MEST: variants seen among roughly 807,000 people sequenced by gnomAD.
MEST encodes the protein mesoderm-specific transcript homolog protein.
A neutral mutation model predicts 50.9 loss-of-function variants in MEST; 18 were observed. That is an observed-to-expected ratio of 0.35 (90% CI 0.24 to 0.52). MEST has a LOEUF of 0.52. Ranked by LOEUF, MEST falls within the 20% of genes least tolerant of loss-of-function variation. The pLI, the probability that MEST is intolerant of heterozygous loss-of-function variation, is 0.94. For synonymous variants in MEST, 130 were observed against 154.1 expected (o/e 0.84, Z 1.16); for missense variants, 282 against 425.3 (o/e 0.66, Z 2.96).
upstream of MEST, chr7:130,487,812 A>T (rs11979769): frequency 0.16 from 24,080 of 151,990 alleles, 2,028 homozygotes; most frequent in African/African-American, 0.19. Context: ...ACACATGGCT[A>T]ATTTTTGTAT....
chr7:130,495,008 GAA>G (rs768426651), intron 1 of MEST, among the ~76,000 whole-genome samples: 1 of 152,114 alleles, frequency 6.6e-6, no homozygotes, highest in African/African-American at 2.4e-5. Context: ...AAAAGTCAAC[GAA>G]AGAGTGTCCA....
upstream of MEST, chr7:130,488,654 G>A (rs1326233628): frequency 6.6e-6 from 1 of 152,234 alleles, no homozygotes; most frequent in Non-Finnish European, 1.5e-5. Context: ...GTGAGGATCA[G>A]GGATATGTTG....
chr7:130,495,440 C>T lies in MEST; in HGVS notation c.99C>T (p.Pro33=), dbSNP rs1554436554. Residue 33 remains proline, a synonymous_variant, in exon 2 of 12, where the codon CCC becomes CCT. Coordinates refer to ENST00000223215, the MANE Select transcript of MEST (RefSeq NM_002402.4). Reference sequence around the variant, plus strand: ...TTGCTGCGTACCTGCACATCCCACCCCCTCAGCTCTCCCCTGCCCTTCACT... The same window carrying T: ...TTGCTGCGTACCTGCACATCCCACCTCCTCAGCTCTCCCCTGCCCTTCACT... ...PLLAAYLHIP[P]PQLSPALHSW... is the part of the protein sequence containing the mutation. 6.2e-7 allele frequency: 1 copy of T among 1,613,946 alleles called. No individual in the cohort carries two copies. Among genetic ancestry groups the T allele is most frequent in the African/African-American group, 1.3e-5 (1 of 74,906 alleles).
At chr7:130,495,965 CACT>C (rs1554436844) in intron 2 of MEST, 2 of 371,190 alleles carry the variant, frequency 5.4e-6, no homozygotes, top group African/African-American at 4.4e-5. Flanking sequence ...TTATTATGAC[CACT>C]ACTTATCAAG....
In MEST at chr7:130,500,156, C is replaced by A; in HGVS notation, c.576+241C>A. On this transcript the variant is annotated intron_variant, in intron 7 of 11. Coordinates refer to ENST00000223215, the MANE Select transcript of MEST (RefSeq NM_002402.4). This position sits in a 1 kb window ranked among gnomAD's most constrained non-coding sequence, Gnocchi z 5.0. The stretch of plus-strand genomic sequence containing the variant: ...CAACAAATATTTGGAGAAATTACAG[C>A]TATGGAAAGATCTGTGTCACAAGCT... 1 of 553,368 alleles carries A rather than the reference C, an allele frequency of 1.8e-6. No individual in the cohort carries two copies. The highest frequency in any genetic ancestry group is 3.2e-6 in the Non-Finnish European group (1 of 317,164). The allele number at this position is 553,368 out of a possible 1,614,324, so 34.3% of individuals were successfully genotyped here.
At position 130,492,111 on chromosome 7, in the gene MEST, ACCT is replaced by A; in HGVS notation, c.-198_-196del. 1 of 288,240 alleles carries A rather than the reference ACCT, an allele frequency of 3.5e-6. No individual in the cohort carries two copies. The highest frequency in any genetic ancestry group is 6.3e-6 in the Non-Finnish European group (1 of 159,566). The allele number at this position is 288,240 out of a possible 1,614,324, so 17.9% of individuals were successfully genotyped here. On this transcript the variant is annotated 5_prime_UTR_variant, in exon 1 of 12. Coordinates refer to ENST00000223215, the MANE Select transcript of MEST (RefSeq NM_002402.4). This position sits in a 1 kb window ranked among gnomAD's most constrained non-coding sequence, Gnocchi z 7.6. ...GCCGCGGCAACCAGCACACCCCGGC[ACCT>A]CCTCTGCGGCAGCTGCGCCTCGCAA...
intron 11 of MEST, 61 bp downstream of exon 11, chr7:130,504,057 G>T: frequency 7.2e-7 from 1 of 1,396,154 alleles, no homozygotes; most frequent in South Asian, 1.2e-5. Flanking sequence ...GTGGTAAACA[G>T]AATTGCCTGT....
At chr7:130,486,805 A>T (rs1452091944) in intron 1 of MEST, 2 of 152,242 alleles carry the variant, frequency 1.3e-5, no homozygotes, top group African/African-American at 2.4e-5. Context: ...GCGCCTTCCT[A>T]CTTGTGGGAC....
At chr7:130,502,443 A>G (rs1426593347) in intron 9 of MEST, among the ~76,000 whole-genome samples, 2 of 152,210 alleles carry the variant, frequency 1.3e-5, no homozygotes, top group East Asian at 3.8e-4. Flanking sequence ...GATAGTAGGC[A>G]TAATCACTAC....
At position 130,492,288 on chromosome 7, in the gene MEST, G is replaced by T; in HGVS notation, c.-26G>T. The T allele has an allele frequency of 7.4e-7, 1 of 1,347,918 alleles. No individual in the cohort carries two copies. The highest frequency in any genetic ancestry group is 9.5e-7 in the Non-Finnish European group (1 of 1,050,750). The allele number at this position is 1,347,918 out of a possible 1,614,324, so 83.5% of individuals were successfully genotyped here. A position where few individuals can be genotyped will look rare whatever the true frequency, so the allele number is the denominator to read the frequency against. On this transcript the variant is annotated 5_prime_UTR_variant, in exon 1 of 12. Coordinates refer to ENST00000223215, the MANE Select transcript of MEST (RefSeq NM_002402.4). This position sits in a 1 kb window ranked among gnomAD's most constrained non-coding sequence, Gnocchi z 7.6. The stretch of plus-strand genomic sequence containing the variant: ...GGCGCCCGGTGCTCTGCAACGCTGC[G>T]GCGGGCGGCATGGGATAACGCGGCC...
At chr7:130,495,009 A>G (rs145938336) in intron 1 of MEST, among the ~76,000 whole-genome samples, 270 of 152,324 alleles carry the variant, frequency 1.8e-3, no homozygotes, top group Non-Finnish European at 3.2e-3. Context: ...AAAGTCAACG[A>G]AAGAGTGTCC....
At chr7:130,504,895 C>T (rs782373266) in intron 11 of MEST, 44 bp from the exon 12 acceptor site, 34 of 1,501,076 alleles carry the variant, frequency 2.3e-5, no homozygotes, top group Middle Eastern at 1.7e-4. Context: ...ACATCCCTCC[C>T]GCTCCAGCCT....
chr7:130,495,580 G>GT, intron 2 of MEST, 58 bp downstream of exon 2: 3 of 1,556,566 alleles, frequency 1.9e-6, no homozygotes, highest in Non-Finnish European at 2.6e-6. Flanking sequence ...CCCAGCTGAG[G>GT]TATTTATTTT....
chr7:130,494,304 A>G (rs542373436), intron 1 of MEST, among the ~76,000 whole-genome samples: 2 of 152,284 alleles, frequency 1.3e-5, no homozygotes, highest in African/African-American at 2.4e-5. Flanking sequence ...TGACAACTCT[A>G]ATTTTAGTTT....
chr7:130,495,506 G>A lies in MEST; in HGVS notation c.165G>A (p.Leu55=), dbSNP rs781902975. The change falls in exon 2 of 12, where the codon CTG becomes CTA. Residue 55 remains leucine, a synonymous_variant. Coordinates refer to ENST00000223215, the MANE Select transcript of MEST (RefSeq NM_002402.4). The part of the protein sequence containing the change: ...SSGKFFTYKG[L]RIFYQDSVGV... ...GCAAGTTTTTCACTTACAAGGGACT[G>A]CGTATCTTCTACCAAGGTAAGAAGT... is the stretch of plus-strand genomic sequence containing the variant. 61 of 1,613,922 alleles carry A rather than the reference G, an allele frequency of 3.8e-5. No homozygotes were observed. The Middle Eastern group carries it at 1.3e-3, about 35-fold the overall frequency.
chr7:130,499,843 AG>A, intron 6 of MEST, 31 bp from the exon 7 acceptor site: 2 of 1,566,150 alleles, frequency 1.3e-6, no homozygotes, highest in South Asian at 2.4e-5. Flanking sequence ...TTAAAGCTGT[AG>A]GTAAATGACT....
chr7:130,488,005 A>G (rs1554434215), upstream of MEST: 1 of 152,194 alleles, frequency 6.6e-6, no homozygotes, highest in African/African-American at 2.4e-5. Flanking sequence ...AATGTCTTCA[A>G]TTTGCCTTGC....
Position 130,499,882 on chromosome 7 carries a change from TC to T in MEST, c.545del (p.Pro182LeufsTer26). Reference protein sequence around the residue: ...SLCLSNGGIFPETHRPLLLQK... With the variant: ...SLCLSNGGIFXETHRPLLLQK... ...GATAAGTCTCTTCTACAGGTATCTTTCCTGAGACTCACCGTCCACTCCTTCT... is the reference window on the plus strand; with the variant it reads ...GATAAGTCTCTTCTACAGGTATCTTTCTGAGACTCACCGTCCACTCCTTCT... On this transcript the variant is annotated frameshift_variant, in exon 7 of 12. Coordinates refer to ENST00000223215, the MANE Select transcript of MEST (RefSeq NM_002402.4). LOFTEE classifies it high-confidence loss of function. 1.2e-6 allele frequency: 2 copies of T among 1,611,644 alleles called. No homozygotes were observed. The highest frequency in any genetic ancestry group is 1.7e-6 in the Non-Finnish European group (2 of 1,179,068).
In MEST at chr7:130,492,327, A is replaced by C; in HGVS notation, c.14A>C (p.Asp5Ala). 2 of 1,341,000 alleles carry C rather than the reference A, an allele frequency of 1.5e-6. No individual in the cohort carries two copies. Among genetic ancestry groups the C allele is most frequent in the Non-Finnish European group, 1.9e-6 (2 of 1,045,278 alleles). The allele number at this position is 1,341,000 out of a possible 1,614,324, so 83.1% of individuals were successfully genotyped here. A position where few individuals can be genotyped will look rare whatever the true frequency, so the allele number is the denominator to read the frequency against. Residue 5 changes from aspartate to alanine, a missense_variant, in exon 1 of 12, where the codon GAT becomes GCT. Asp to Ala is a moderately radical substitution (Grantham distance 126). Transcript: ENST00000223215. This position sits in a 1 kb window ranked among gnomAD's most constrained non-coding sequence, Gnocchi z 7.6. MVRRDRLRRMREWWV... is the reference protein window; with the variant it reads MVRRARLRRMREWWV... ...GATAACGCGGCCATGGTGCGCCGAGATCGCCTCCGCAGGTGAGTGTGCGGT... is the reference window on the plus strand; with the variant it reads ...GATAACGCGGCCATGGTGCGCCGAGCTCGCCTCCGCAGGTGAGTGTGCGGT...
Sources: gnomAD v4.1 joint callset for allele counts (sites outside exome capture counted in the v4.1 genomes callset) on GRCh38, gnomAD v4.1.1 for gene constraint, Gnocchi (gnomAD v3.1) non-coding constraint, MANE v1.5 for transcripts, NCBI Gene and HGNC (gene_info 2026-07-23, HGNC 2026-07-21) for gene names.